The following SPECC1 variants were observed in gnomAD, a reference collection of about 807,000 sequenced individuals.
SPECC1 encodes the protein sperm antigen with calponin homology and coiled-coil domains 1.
Under a neutral mutation model 104.1 loss-of-function variants are expected in SPECC1, and 62 were observed. That is an observed-to-expected ratio of 0.60 (90% CI 0.49 to 0.74). The LOEUF is 0.74. Ranked by LOEUF, SPECC1 falls within the 30% of genes least tolerant of loss-of-function variation. SPECC1 has a pLI of 0.00. For missense variants in SPECC1, 1,306 were observed against 1,310.5 expected, an observed-to-expected ratio of 1.00 and a Z score of 0.05; for synonymous variants, 513 against 501.6, an observed-to-expected ratio of 1.02 and a Z score of -0.30.
At chr17:20,240,132 G>A (rs2039136831) in intron 7 of SPECC1, among the ~76,000 whole-genome samples, 1 of 130,328 alleles carries the variant, frequency 7.7e-6, no homozygotes, top group Non-Finnish European at 1.5e-5. Flanking sequence ...AGAGAGACTG[G>A]TATCGAACTC....
chr17:20,204,101 G>A (rs79590067), intron 3 of SPECC1, among the ~76,000 whole-genome samples: 17,582 of 152,144 alleles, frequency 0.12, 1,053 homozygotes, highest in Non-Finnish European at 0.13. Context: ...ACTGGCTGGG[G>A]ATGGGGTCAT....
At chr17:20,242,748 A>G (rs375295191) in intron 7 of SPECC1, among the ~76,000 whole-genome samples, 1 of 152,218 alleles carries the variant, frequency 6.6e-6, no homozygotes, top group African/African-American at 2.4e-5. Context: ...TTCACCATTC[A>G]TGAATCATGT....
chr17:20,161,057 A>T (rs1173412583), intron 3 of SPECC1, among the ~76,000 whole-genome samples: 1 of 152,196 alleles, frequency 6.6e-6, no homozygotes, highest in Non-Finnish European at 1.5e-5. Flanking sequence ...CTAAAAATAC[A>T]AAAATTAGTC....
chr17:20,238,193 C>T (rs761094982), intron 7 of SPECC1: 281 of 1,036,782 alleles, frequency 2.7e-4, no homozygotes, highest in Non-Finnish European at 3.1e-4. Context: ...GTTATTAAGC[C>T]GGATAGGTAA....
chr17:20,199,383 GTTTT>G (rs3077216), intron 3 of SPECC1, among the ~76,000 whole-genome samples: 30 of 62,466 alleles, frequency 4.8e-4, no homozygotes, highest in African/African-American at 7.5e-4. Context: ...CACCGTGCTG[GTTTT>G]TTTTTTTTTT....
chr17:20,048,506 G>C (rs570141183), intron 1 of SPECC1, among the ~76,000 whole-genome samples: 1 of 152,204 alleles, frequency 6.6e-6, no homozygotes, highest in South Asian at 2.1e-4. Context: ...AATAGCCTTT[G>C]TGTTTGTTGC....
At chr17:20,263,202 A>G (rs1401496177) in intron 12 of SPECC1, among the ~76,000 whole-genome samples, 1 of 149,884 alleles carries the variant, frequency 6.7e-6, no homozygotes, top group Admixed American at 6.6e-5. Flanking sequence ...GGGAAAGAAT[A>G]AGAAGCCATA....
chr17:20,147,934 A>AG (rs1005110561), intron 3 of SPECC1, among the ~76,000 whole-genome samples: 3 of 152,030 alleles, frequency 2.0e-5, no homozygotes, highest in African/African-American at 7.2e-5. Flanking sequence ...GCTACTTGGG[A>AG]GGGAGGCTGA....
chr17:20,060,477 A>G lies in SPECC1; in HGVS notation c.-21-36154A>G, dbSNP rs114959846. The stretch of plus-strand genomic sequence containing the variant: ...GCCCGGGTAACACAGTGAGACTCCG[A>G]CTCTACAAAAAATAAAAAAATTTAA... On this transcript the variant is annotated intron_variant, in intron 1 of 14. Coordinates refer to ENST00000395527, the MANE Select transcript of SPECC1 (RefSeq NM_001243439.2). Among the ~76,000 whole-genome samples the G allele has an allele frequency of 9.5e-3, 1,439 of 152,078 alleles. 22 individuals are homozygous for G. The highest frequency in any genetic ancestry group is 0.033 in the African/African-American group (1,361 of 41,438).
intron 2 of SPECC1, among the ~76,000 whole-genome samples, chr17:20,106,911 C>CT (rs990807561): frequency 6.6e-6 from 1 of 151,920 alleles, no homozygotes; most frequent in Non-Finnish European, 1.5e-5. Flanking sequence ...AATCCTAGCA[C>CT]TTTGGGAGGC....
intron 9 of SPECC1, 127 bp from the exon 10 acceptor site, chr17:20,253,378 A>G: frequency 2.5e-6 from 2 of 808,488 alleles, no homozygotes; most frequent in Non-Finnish European, 3.8e-6. Flanking sequence ...TTAATTAAAA[A>G]CTCCCCTGGT....
chr17:20,092,205 T>C (rs2047432210), intron 1 of SPECC1, among the ~76,000 whole-genome samples: 1 of 151,364 alleles, frequency 6.6e-6, no homozygotes, highest in Non-Finnish European at 1.5e-5. Context: ...TGGAACGACA[T>C]CCCCCACCCC....
chr17:20,207,689 G>C (rs1454694465), intron 4 of SPECC1, among the ~76,000 whole-genome samples: 1 of 152,094 alleles, frequency 6.6e-6, no homozygotes, highest in Admixed American at 6.5e-5. Context: ...TCACCACTTG[G>C]AGAAAAACTG....
chr17:20,030,368 A>T (rs1306458135), intron 1 of SPECC1, among the ~76,000 whole-genome samples: 1 of 151,928 alleles, frequency 6.6e-6, no homozygotes, highest in Non-Finnish European at 1.5e-5. Flanking sequence ...TATTATGTCT[A>T]TTAATATTAC....
At chr17:20,239,239 T>C (rs977793722) in intron 7 of SPECC1, 6 of 1,014,782 alleles carry the variant, frequency 5.9e-6, no homozygotes, top group African/African-American at 3.4e-5. Flanking sequence ...TTTTTCTTAA[T>C]TATGAAGTAT....
At chr17:20,130,112 T>C (rs1442318273) in intron 3 of SPECC1, among the ~76,000 whole-genome samples, 3 of 152,246 alleles carry the variant, frequency 2.0e-5, no homozygotes, top group Non-Finnish European at 2.9e-5. Context: ...CTTATAGTTT[T>C]ACATTTACAT....
intron 3 of SPECC1, among the ~76,000 whole-genome samples, chr17:20,173,808 T>C (rs1449741977): frequency 2.6e-5 from 4 of 152,254 alleles, no homozygotes; most frequent in African/African-American, 9.6e-5. Flanking sequence ...TTTTGAATTA[T>C]AACATTTTGG....
intron 4 of SPECC1, among the ~76,000 whole-genome samples, chr17:20,218,949 C>T (rs1326082373): frequency 6.6e-6 from 1 of 152,142 alleles, no homozygotes; most frequent in East Asian, 1.9e-4. Context: ...TAATGATTTC[C>T]AGTTCCATCC....
chr17:20,158,926 GT>G (rs150116530), intron 3 of SPECC1, among the ~76,000 whole-genome samples: 2 of 147,796 alleles, frequency 1.4e-5, no homozygotes, highest in Non-Finnish European at 1.5e-5. Context: ...TTTTTGTTTT[GT>G]TTTTTTTTGT....
Sources: gnomAD v4.1 joint callset for allele counts (sites outside exome capture counted in the v4.1 genomes callset) on GRCh38, gnomAD v4.1.1 for gene constraint, MANE v1.5 for transcripts, NCBI Gene and HGNC (gene_info 2026-07-23, HGNC 2026-07-21) for gene names.